MGMT: variants seen among roughly 807,000 people sequenced by gnomAD.
MGMT encodes O-6-methylguanine-DNA methyltransferase, also known as methylated-DNA--protein-cysteine methyltransferase.
MGMT carries 14 observed loss-of-function variants against 15.9 expected under a neutral mutation model. The ratio of observed to expected loss-of-function variants is 0.88; its 90% CI spans 0.58 to 1.37. The LOEUF (loss-of-function observed/expected upper bound fraction) is 1.37, where lower values mean the gene tolerates loss of function less well. Ranked by LOEUF, MGMT falls within the 40% of genes most tolerant of loss-of-function variation. The pLI, the probability that MGMT is intolerant of heterozygous loss-of-function variation, is 0.00. For missense variants in MGMT, 282 were observed against 268.1 expected (o/e 1.05, Z -0.36); for synonymous variants, 130 against 118.2 (o/e 1.10, Z -0.65).
chr10:129,522,074 A>T (rs1845817105), intron 1 of MGMT, among the ~76,000 whole-genome samples: 2 of 65,374 alleles, frequency 3.1e-5, no homozygotes, highest in African/African-American at 1.6e-4. Flanking sequence ...CCACAGAACC[A>T]CAGAACGTAA....
At chr10:129,491,447 G>T (rs960941623) in intron 1 of MGMT, among the ~76,000 whole-genome samples, 1 of 151,930 alleles carries the variant, frequency 6.6e-6, no homozygotes, top group Non-Finnish European at 1.5e-5. Flanking sequence ...TTCTGCTTAG[G>T]GTTTGCTGAA....
Position 129,687,727 on chromosome 10 carries a change from T to C in MGMT, c.126-20168T>C, listed in dbSNP as rs1285030755. Among the ~76,000 whole-genome samples the C allele has an allele frequency of 4.0e-5, 6 of 151,608 alleles. No homozygotes were observed. The East Asian group carries it at 1.2e-3, about 30-fold the overall frequency. ...TTTTTTTTTTTTATACTTTAAGTTC[T>C]AGGGTACATGTGCACAACGTGCAGG... On this transcript the variant is annotated intron_variant, in intron 2 of 4. Coordinates refer to ENST00000651593, the MANE Select transcript of MGMT (RefSeq NM_002412.5).
chr10:129,573,677 T>C (rs1036291391), intron 2 of MGMT, among the ~76,000 whole-genome samples: 1 of 152,226 alleles, frequency 6.6e-6, no homozygotes, highest in Non-Finnish European at 1.5e-5. Flanking sequence ...ACTAACCAAC[T>C]TTTTCAGTAT....
At chr10:129,739,488 G>T (rs1848605333) in intron 3 of MGMT, among the ~76,000 whole-genome samples, 1 of 152,170 alleles carries the variant, frequency 6.6e-6, no homozygotes, top group South Asian at 2.1e-4. Flanking sequence ...AGCAGGAGGT[G>T]CACGTGCTGT....
At chr10:129,622,073 TC>T (rs1847096549) in intron 2 of MGMT, among the ~76,000 whole-genome samples, 1 of 152,232 alleles carries the variant, frequency 6.6e-6, no homozygotes, top group African/African-American at 2.4e-5. Flanking sequence ...TTGCTTAATT[TC>T]CTCCTGTTTC....
intron 2 of MGMT, among the ~76,000 whole-genome samples, chr10:129,542,651 T>A (rs1214235105): frequency 6.6e-6 from 1 of 152,212 alleles, no homozygotes; most frequent in Non-Finnish European, 1.5e-5. Flanking sequence ...TTATTTTACT[T>A]TATAGAGTGT....
intron 1 of MGMT, among the ~76,000 whole-genome samples, chr10:129,500,853 A>G (rs1845567901): frequency 6.6e-6 from 1 of 152,256 alleles, no homozygotes; most frequent in South Asian, 2.1e-4. Context: ...ACGCAGCCCA[A>G]ATGTTAAGTG....
chr10:129,754,883 A>T (rs1848787940), intron 3 of MGMT, among the ~76,000 whole-genome samples: 1 of 151,752 alleles, frequency 6.6e-6, no homozygotes, highest in South Asian at 2.1e-4. Flanking sequence ...AACACATTGA[A>T]ACCTTAGCAG....
At chr10:129,494,527 G>C (rs1046746857) in intron 1 of MGMT, among the ~76,000 whole-genome samples, 1 of 152,210 alleles carries the variant, frequency 6.6e-6, no homozygotes, top group Non-Finnish European at 1.5e-5. Flanking sequence ...ATTGGCCAGG[G>C]CTTTCCAACA....
chr10:129,742,811 G>A (rs1361990635), intron 3 of MGMT, among the ~76,000 whole-genome samples: 4 of 151,258 alleles, frequency 2.6e-5, no homozygotes, highest in Admixed American at 1.3e-4. Context: ...CCCATGCTCA[G>A]AGCCAGGTTC....
At chr10:129,608,836 G>T (rs959441859) in intron 2 of MGMT, among the ~76,000 whole-genome samples, 1 of 152,360 alleles carries the variant, frequency 6.6e-6, no homozygotes, top group South Asian at 2.1e-4. Flanking sequence ...GGCCCCGTCC[G>T]CCTTGGCCAC....
At chr10:129,693,029 A>G (rs187873254) in intron 2 of MGMT, among the ~76,000 whole-genome samples, 5 of 152,334 alleles carry the variant, frequency 3.3e-5, no homozygotes, top group African/African-American at 4.8e-5. Flanking sequence ...AAATCCACCA[A>G]TGTACTTTTA....
chr10:129,672,634 T>C (rs1182062646), intron 2 of MGMT, among the ~76,000 whole-genome samples: 1 of 152,212 alleles, frequency 6.6e-6, no homozygotes, highest in Non-Finnish European at 1.5e-5. Flanking sequence ...AACCCATTCA[T>C]AGAATACATT....
chr10:129,488,567 T>C (rs561381364), intron 1 of MGMT, among the ~76,000 whole-genome samples: 2 of 152,352 alleles, frequency 1.3e-5, no homozygotes, highest in East Asian at 3.8e-4. Context: ...AATTTTAATA[T>C]AGTTGCATGT....
intron 1 of MGMT, among the ~76,000 whole-genome samples, chr10:129,505,273 A>G (rs1589839465): frequency 6.6e-6 from 1 of 152,334 alleles, no homozygotes; most frequent in Admixed American, 6.5e-5. Flanking sequence ...GTCTATTGAT[A>G]AACTGTATAT....
chr10:129,511,331 T>C (rs567327405), intron 1 of MGMT, among the ~76,000 whole-genome samples: 2 of 149,702 alleles, frequency 1.3e-5, no homozygotes, highest in South Asian at 4.2e-4. Context: ...GAGAACCCCG[T>C]ATACCATCTG....
intron 1 of MGMT, among the ~76,000 whole-genome samples, chr10:129,514,400 G>A (rs1030477449): frequency 1.3e-5 from 2 of 152,114 alleles, no homozygotes; most frequent in Non-Finnish European, 2.9e-5. Context: ...TAGATTCCAT[G>A]TATAAATGTG....
intron 2 of MGMT, among the ~76,000 whole-genome samples, chr10:129,642,677 T>C (rs758704210): frequency 2.0e-5 from 3 of 152,172 alleles, no homozygotes; most frequent in Non-Finnish European, 4.4e-5. Flanking sequence ...TAGCATCTCT[T>C]AGTCACTGTG....
At chr10:129,729,556 C>T (rs558503592) in intron 3 of MGMT, among the ~76,000 whole-genome samples, 1 of 152,330 alleles carries the variant, frequency 6.6e-6, no homozygotes, top group East Asian at 1.9e-4. Flanking sequence ...TTTTGAATTC[C>T]TCAGCTGCCC....
Sources: gnomAD v4.1 joint callset for allele counts (sites outside exome capture counted in the v4.1 genomes callset) on GRCh38, gnomAD v4.1.1 for gene constraint, MANE v1.5 for transcripts, NCBI Gene and HGNC (gene_info 2026-07-23, HGNC 2026-07-21) for gene names.